The following DYNC2I2 variants were observed in gnomAD, a reference collection of about 807,000 sequenced individuals.
The protein encoded by DYNC2I2 is cytoplasmic dynein 2 intermediate chain 2.
Under a neutral mutation model 52.0 loss-of-function variants are expected in DYNC2I2, and 39 were observed. The ratio of observed to expected loss-of-function variants is 0.75; its 90% confidence interval spans 0.58 to 0.98. The LOEUF (loss-of-function observed/expected upper bound fraction) is 0.98. Among genes scored for constraint, DYNC2I2 ranks in the 50% least tolerant of loss-of-function variants. DYNC2I2 has a pLI of 0.00. For missense variants in DYNC2I2, 743 were observed against 728.4 expected (o/e 1.02, Z -0.23); for synonymous variants, 359 against 321.1 (o/e 1.12, Z -1.26).
rs117886008 is a variant in DYNC2I2 at position 128,646,598 on chromosome 9, C to G, written c.187-5659G>C. Among the ~76,000 whole-genome samples the G allele has an allele frequency of 1.3e-3, 193 of 152,326 alleles. 3 individuals are homozygous for G. The East Asian group carries it at 0.027, about 22-fold the overall frequency. ...TGCCCGGCTTCAAAGCTTCGAGAGA[C>G]AGGCTGACTCTCTTGTTAGGGGCTA... On this transcript the variant is annotated intron_variant, in intron 1 of 8. Coordinates refer to ENST00000372715, the MANE Select transcript of DYNC2I2 (RefSeq NM_052844.4).
At chr9:128,676,846 TTTTTGTTTTGTTTTG>T in the DYNC2I2 span, among the ~76,000 whole-genome samples, 1 of 150,030 alleles carries the variant, frequency 6.7e-6, no homozygotes, top group Non-Finnish European at 1.5e-5. Context: ...GCTGTTTTTT[TTTTTGTTTTGTTTTG>T]TTTTTGAGAC....
the DYNC2I2 span, among the ~76,000 whole-genome samples, chr9:128,662,397 T>G: frequency 2.3e-5 from 3 of 129,776 alleles, no homozygotes; most frequent in Non-Finnish European, 5.2e-5. Context: ...ACACAAGTGT[T>G]ACAGTCTTGG....
chr9:128,679,427 T>G, the DYNC2I2 span, among the ~76,000 whole-genome samples: 1 of 152,090 alleles, frequency 6.6e-6, no homozygotes. Context: ...AGTATTGAGG[T>G]CATTGACTTA....
intron 1 of DYNC2I2, among the ~76,000 whole-genome samples, 158 bp from the exon 2 acceptor site, chr9:128,641,097 G>A (rs896690671): frequency 1.3e-5 from 2 of 151,926 alleles, no homozygotes; most frequent in Non-Finnish European, 2.9e-5. Context: ...ATGGCCCCTT[G>A]ATTCTCCTAT....
rs1228300877 is a variant in DYNC2I2, at chr9:128,636,344, C to T, written c.640G>A (p.Val214Met). The change falls in exon 4 of 9, where the codon GTG becomes ATG. Residue 214 changes from valine (V) to methionine (M), a missense_variant. Coordinates refer to ENST00000372715, the MANE Select transcript of DYNC2I2 (RefSeq NM_052844.4). ...CACAGGACAGCGCTGGGGACCTCCACCACGGCCGACGGCTGCTGGGGACGC... is the reference window on the plus strand; with the variant it reads ...CACAGGACAGCGCTGGGGACCTCCATCACGGCCGACGGCTGCTGGGGACGC... ...DLRPQQPSAV[V>M]EVPSAVLCLA... 9 of 1,604,532 alleles carry T rather than the reference C, an allele frequency of 5.6e-6. No homozygotes were observed. Among genetic ancestry groups the T allele is most frequent in the Non-Finnish European group, 7.7e-6 (9 of 1,175,992 alleles).
In DYNC2I2 at chr9:128,634,820, CTT is replaced by C; in HGVS notation, c.1081_1082del (p.Lys361ValfsTer53). 1 of 1,613,378 alleles carries C rather than the reference CTT, an allele frequency of 6.2e-7. No individual in the cohort carries two copies. Among genetic ancestry groups the C allele is most frequent in the Non-Finnish European group, 8.5e-7 (1 of 1,179,890 alleles). On this transcript the variant is annotated frameshift_variant, in exon 7 of 9. Transcript: ENST00000372715. LOFTEE classifies it high-confidence loss of function. ...CTGCCTCTCCAGCTGCCAGGGAACA[CTT>C]GAGCGGGAAGCCGCCTTCCGTGCCC... is the stretch of plus-strand genomic sequence containing the variant. The part of the protein sequence containing the change: ...ILGTEGGFPL[K>X]CSLAAGEAAL...
Position 128,640,812 on chromosome 9 carries a change from A to G in DYNC2I2, c.314T>C (p.Ile105Thr). The stretch of plus-strand genomic sequence containing the variant: ...CCGAAGAAAGGCTGCGAGCCTGGGT[A>G]TGTCATACTGGGACGGGGGCTGCAC... The part of the protein sequence containing the change: ...VSVQPPSQYD[I>T]PRLAAFLRRV... Residue 105 changes from isoleucine to threonine, a missense_variant, in exon 2 of 9, where the codon ATA becomes ACA. Coordinates refer to ENST00000372715, the MANE Select transcript of DYNC2I2 (RefSeq NM_052844.4). 1 of 1,614,152 alleles carries G rather than the reference A, an allele frequency of 6.2e-7. No individual in the cohort carries two copies. The highest frequency in any genetic ancestry group is 8.5e-7 in the Non-Finnish European group (1 of 1,180,028).
At chr9:128,677,347 T>A in the DYNC2I2 span, among the ~76,000 whole-genome samples, 1 of 151,932 alleles carries the variant, frequency 6.6e-6, no homozygotes, top group Non-Finnish European at 1.5e-5. Flanking sequence ...TAGCCAGGCA[T>A]GGTGGCTTAT....
chr9:128,655,933 C>G (rs1860813775), intron 1 of DYNC2I2, among the ~76,000 whole-genome samples: 1 of 142,728 alleles, frequency 7.0e-6, no homozygotes, highest in African/African-American at 2.6e-5. Flanking sequence ...AAAGCCTGAA[C>G]GCGGTGGCTC....
Position 128,633,693 on chromosome 9 carries a change from G to A in DYNC2I2, c.*51C>T. 10 of 1,558,430 alleles carry A rather than the reference G, an allele frequency of 6.4e-6. No individual in the cohort carries two copies. The highest frequency in any genetic ancestry group is 8.7e-6 in the Non-Finnish European group (10 of 1,147,742). ...GCTTTTCTTCATTTGGCTTGCGTCA[G>A]AAACACAAGGCTCGGCACAGCGAAG... On this transcript the variant is annotated 3_prime_UTR_variant, in exon 9 of 9. Transcript: ENST00000372715.
chr9:128,657,682 C>A (rs1031277752), upstream of DYNC2I2, among the ~76,000 whole-genome samples: 5 of 152,010 alleles, frequency 3.3e-5, no homozygotes, highest in Non-Finnish European at 5.9e-5. Context: ...GTGGCACGTG[C>A]CTGTAGTCCC....
chr9:128,668,105 C>G, the DYNC2I2 span, among the ~76,000 whole-genome samples: 1 of 151,486 alleles, frequency 6.6e-6, no homozygotes, highest in East Asian at 2.0e-4. Flanking sequence ...GGATTACAGG[C>G]GTGAGCCACT....
At chr9:128,660,702 GCTGT>G (rs1386879297), upstream of DYNC2I2, among the ~76,000 whole-genome samples, 1 of 151,496 alleles carries the variant, frequency 6.6e-6, no homozygotes, top group Non-Finnish European at 1.5e-5. Flanking sequence ...GCCTGACAAA[GCTGT>G]CTAATTTTAT....
chr9:128,641,578 T>TA (rs1860514646), intron 1 of DYNC2I2, among the ~76,000 whole-genome samples: 2 of 152,108 alleles, frequency 1.3e-5, no homozygotes, highest in African/African-American at 4.8e-5. Flanking sequence ...CTCCCTTTCT[T>TA]ACAGACATGC....
intron 1 of DYNC2I2, among the ~76,000 whole-genome samples, chr9:128,648,319 ATCACTT>A (rs1420213840): frequency 2.6e-5 from 4 of 152,184 alleles, no homozygotes; most frequent in South Asian, 2.1e-4. Flanking sequence ...AGACAGGAGA[ATCACTT>A]AAACCAGTAA....
chr9:128,675,269 C>T, the DYNC2I2 span, among the ~76,000 whole-genome samples: 1 of 152,100 alleles, frequency 6.6e-6, no homozygotes, highest in African/African-American at 2.4e-5. Flanking sequence ...CCTCCGCCTC[C>T]TGGGTTCCAG....
chr9:128,635,482 T>C lies in DYNC2I2; in HGVS notation c.813+176A>G, dbSNP rs1860383808. The C allele has an allele frequency of 8.9e-6, 7 of 784,134 alleles. No homozygotes were observed. The South Asian group carries it at 1.3e-4, about 14-fold the overall frequency. The allele number at this position is 784,134 out of a possible 1,614,324, so 48.6% of individuals were successfully genotyped here. A position where few individuals can be genotyped will look rare whatever the true frequency, so the allele number is the denominator to read the frequency against. ...CGGTGCCTGCAGAGGAGGCTGGGAA[T>C]GGCCACAGGGCCCTGGGAGTGGCTC... is the stretch of plus-strand genomic sequence containing the variant. On this transcript the variant is annotated intron_variant, in intron 5 of 8. Transcript: ENST00000372715.
At chr9:128,666,982 C>T in the DYNC2I2 span, among the ~76,000 whole-genome samples, 12 of 151,650 alleles carry the variant, frequency 7.9e-5, no homozygotes, top group Non-Finnish European at 1.2e-4. Context: ...GGGTGGATCA[C>T]GAGGTCAGGA....
upstream of DYNC2I2, among the ~76,000 whole-genome samples, chr9:128,659,643 T>C (rs1860895744): frequency 6.6e-6 from 1 of 150,558 alleles, no homozygotes; most frequent in African/African-American, 2.4e-5. Context: ...GCGCAGTAGC[T>C]CACACCTGTA....
Sources: allele counts gnomAD v4.1 joint callset (sites outside exome capture counted in the v4.1 genomes callset), GRCh38; gene constraint gnomAD v4.1.1; transcripts MANE v1.5; gene names NCBI Gene and HGNC (gene_info 2026-07-23, HGNC 2026-07-21).